The following PTPN9 variants were observed in gnomAD, a reference collection of about 807,000 sequenced individuals.
PTPN9 encodes tyrosine-protein phosphatase non-receptor type 9.
In PTPN9, 26 loss-of-function variants were observed where a neutral mutation model predicts 69.8. The observed-to-expected ratio is 0.37, with a 90% CI of 0.27 to 0.52. The LOEUF (loss-of-function observed/expected upper bound fraction) is 0.52. PTPN9 is among the 20% of genes least tolerant of loss of function. PTPN9 has a pLI of 0.91. For missense variants in PTPN9, 549 were observed against 740.3 expected, an observed-to-expected ratio of 0.74 and a Z score of 3.00; for synonymous variants, 274 against 272.5, an observed-to-expected ratio of 1.01 and a Z score of -0.05.
intron 1 of PTPN9, among the ~76,000 whole-genome samples, chr15:75,560,186 G>T (rs1033314491): frequency 2.6e-5 from 4 of 151,626 alleles, no homozygotes. Flanking sequence ...CCATAATAAC[G>T]TTGTTTTACC....
chr15:75,577,747 T>C (rs2075179874), intron 1 of PTPN9, among the ~76,000 whole-genome samples: 1 of 152,228 alleles, frequency 6.6e-6, no homozygotes, highest in Non-Finnish European at 1.5e-5. Context: ...TGGTTTGCCT[T>C]TTTCTTTTTT....
intron 4 of PTPN9, among the ~76,000 whole-genome samples, chr15:75,520,113 T>TGA (rs1326187242): frequency 6.6e-6 from 1 of 152,090 alleles, no homozygotes; most frequent in African/African-American, 2.4e-5. Flanking sequence ...CGAGCAAAAG[T>TGA]GAGACCCTGT....
intron 1 of PTPN9, among the ~76,000 whole-genome samples, chr15:75,529,638 G>A (rs1164818419): frequency 2.0e-5 from 3 of 152,172 alleles, no homozygotes; most frequent in East Asian, 1.9e-4. Flanking sequence ...GACCGGGCAC[G>A]GTGGCCCACA....
intron 12 of PTPN9, 62 bp from the exon 13 acceptor site, chr15:75,469,045 A>G: frequency 7.0e-7 from 1 of 1,423,216 alleles, no homozygotes; most frequent in Non-Finnish European, 9.7e-7. Context: ...CCTCTACCAA[A>G]TAACCCAGGC....
intron 1 of PTPN9, among the ~76,000 whole-genome samples, chr15:75,544,047 A>C (rs1451081302): frequency 1.3e-5 from 2 of 152,194 alleles, no homozygotes; most frequent in Non-Finnish European, 2.9e-5. Flanking sequence ...TCTCAGGTTT[A>C]AAAAACACTT....
intron 7 of PTPN9, among the ~76,000 whole-genome samples, chr15:75,503,779 G>A (rs1210797093): frequency 2.0e-5 from 1 of 48,808 alleles, no homozygotes; most frequent in African/African-American, 1.0e-4. Flanking sequence ...TGGGGGGGGG[G>A]TCAGCCCCCC....
chr15:75,489,174 CAAAAA>C (rs35540489), intron 8 of PTPN9, among the ~76,000 whole-genome samples: 4 of 64,228 alleles, frequency 6.2e-5, no homozygotes, highest in African/African-American at 2.3e-4. Flanking sequence ...GACTCCGTCT[CAAAAA>C]AAAAAAAAAA....
rs1318908073 is a variant in PTPN9 at position 75,464,571 on chromosome 15, G to GGAAC, written c.*4194_*4197dup. 6.6e-6 allele frequency: 1 copy of GGAAC among 152,018 alleles called. No homozygotes were observed. The highest frequency in any genetic ancestry group is 1.9e-4 in the East Asian group (1 of 5,190). The allele number at this position is 152,018 out of a possible 1,614,324, so 9.4% of individuals were successfully genotyped here. On this transcript the variant is annotated 3_prime_UTR_variant, in exon 13 of 13. Coordinates refer to ENST00000618819, the MANE Select transcript of PTPN9 (RefSeq NM_002833.4). ...TAGTGTAGCCCCTTCTTTTACAGAG[G>GGAAC]GAACCTAGGACTTGGGTTTGGTTCA... is the stretch of plus-strand genomic sequence containing the variant.
intron 8 of PTPN9, among the ~76,000 whole-genome samples, chr15:75,480,243 A>T (rs957662597): frequency 6.6e-6 from 1 of 152,214 alleles, no homozygotes; most frequent in Admixed American, 6.5e-5. Flanking sequence ...GGTTAGGCAA[A>T]GCTTTCACAG....
intron 7 of PTPN9, among the ~76,000 whole-genome samples, chr15:75,505,019 G>C (rs892191218): frequency 6.6e-6 from 1 of 152,170 alleles, no homozygotes; most frequent in Non-Finnish European, 1.5e-5. Context: ...GGAATAGAAA[G>C]GGGGGAAAGG....
chr15:75,486,865 A>C (rs2074681133), intron 8 of PTPN9, among the ~76,000 whole-genome samples: 1 of 149,658 alleles, frequency 6.7e-6, no homozygotes, highest in African/African-American at 2.5e-5. Flanking sequence ...GCTTACTGCA[A>C]GCTCCGCCTC....
intron 8 of PTPN9, among the ~76,000 whole-genome samples, chr15:75,488,490 C>G (rs2074691205): frequency 6.6e-6 from 1 of 151,294 alleles, no homozygotes; most frequent in Non-Finnish European, 1.5e-5. Flanking sequence ...TTGCTGTAAA[C>G]AAGTTATATT....
chr15:75,527,104 C>A lies in PTPN9; in HGVS notation c.207+14G>T, dbSNP rs1567504021. The A allele has an allele frequency of 6.2e-7, 1 of 1,614,046 alleles. No homozygotes were observed. The highest frequency in any genetic ancestry group is 2.2e-5 in the East Asian group (1 of 44,884). On this transcript the variant is annotated intron_variant, in intron 2 of 12. Coordinates refer to ENST00000618819, the MANE Select transcript of PTPN9 (RefSeq NM_002833.4). ...CCAACTGCCACAGGTCTGGTCTACC[C>A]CTGAGCCACATACTCTGTAGGAGTG...
At chr15:75,530,175 G>C (rs2074948378) in intron 1 of PTPN9, among the ~76,000 whole-genome samples, 1 of 133,382 alleles carries the variant, frequency 7.5e-6, no homozygotes, top group African/African-American at 2.8e-5. Flanking sequence ...ACTCCAGCCT[G>C]AGCGACAGAG....
intron 1 of PTPN9, among the ~76,000 whole-genome samples, chr15:75,565,634 G>A (rs1377586020): frequency 6.6e-6 from 1 of 152,088 alleles, no homozygotes; most frequent in African/African-American, 2.4e-5. Flanking sequence ...GATAAACAAT[G>A]GAATGATAAT....
At chr15:75,559,368 G>A (rs1247854957) in intron 1 of PTPN9, among the ~76,000 whole-genome samples, 1 of 152,184 alleles carries the variant, frequency 6.6e-6, no homozygotes, top group African/African-American at 2.4e-5. Flanking sequence ...AAATCAGACT[G>A]TTGCTGTGTC....
intron 5 of PTPN9, among the ~76,000 whole-genome samples, chr15:75,514,137 G>A (rs1230265110): frequency 4.8e-5 from 7 of 144,936 alleles, no homozygotes; most frequent in Non-Finnish European, 3.0e-5. Flanking sequence ...GTGGCAAAAA[G>A]AATAGGCTAG....
rs1007262441 is a variant in PTPN9 at position 75,550,057 on chromosome 15, G to A, written c.64-22796C>T. On this transcript the variant is annotated intron_variant, in intron 1 of 12. Coordinates refer to ENST00000618819, the MANE Select transcript of PTPN9 (RefSeq NM_002833.4). ...TCAAGTACAATGTTCAGTTTGAAGTGGGAAAAAATAAGCCCTGTAAATAGA... is the reference window on the plus strand; with the variant it reads ...TCAAGTACAATGTTCAGTTTGAAGTAGGAAAAAATAAGCCCTGTAAATAGA... Among the ~76,000 whole-genome samples the A allele has an allele frequency of 5.3e-5, 8 of 151,414 alleles. No individual in the cohort carries two copies. In the East Asian group the frequency reaches 1.6e-3, roughly 29 times the overall value.
At chr15:75,485,660 G>A (rs1272958731) in intron 8 of PTPN9, among the ~76,000 whole-genome samples, 7 of 150,198 alleles carry the variant, frequency 4.7e-5, no homozygotes, top group African/African-American at 7.3e-5. Context: ...GTGAGCCACC[G>A]CGCCCGGCCG....
Sources: allele counts gnomAD v4.1 joint callset (sites outside exome capture counted in the v4.1 genomes callset), GRCh38; gene constraint gnomAD v4.1.1; transcripts MANE v1.5; gene names NCBI Gene and HGNC (gene_info 2026-07-23, HGNC 2026-07-21).